Variants in CTNNA2 observed in about 807,000 individuals in gnomAD.
CTNNA2 encodes the protein catenin alpha 2.
In CTNNA2, 42 loss-of-function variants were observed where a neutral mutation model predicts 101.0. The observed-to-expected ratio is 0.42, with a 90% CI of 0.32 to 0.54. CTNNA2 has a LOEUF of 0.54. Among genes scored for constraint, CTNNA2 ranks in the 20% least tolerant of loss-of-function variants. CTNNA2 has a pLI of 0.14. For missense variants in CTNNA2, 871 were observed against 1,223.1 expected (o/e 0.71, Z 4.29); for synonymous variants, 450 against 456.4 (o/e 0.99, Z 0.18).
intron 3 of CTNNA2, among the ~76,000 whole-genome samples, chr2:79,369,526 C>G (rs1005904759): frequency 6.6e-6 from 1 of 152,178 alleles, no homozygotes; most frequent in African/African-American, 2.4e-5. Flanking sequence ...GACTGCTCTT[C>G]CAGTGTGGCT....
chr2:79,698,020 A>G lies in CTNNA2; in HGVS notation c.102+46362A>G, dbSNP rs536839991. On this transcript the variant is annotated intron_variant, in intron 2 of 18. Transcript: ENST00000402739. Reference sequence around the variant, plus strand: ...TTGTTATGTTATAGCAATTCTAAACAGTATTCGTGATAAAATATTCCTGTC... The same window carrying G: ...TTGTTATGTTATAGCAATTCTAAACGGTATTCGTGATAAAATATTCCTGTC... The G allele has an allele frequency of 2.2e-4, 33 of 152,194 alleles. No homozygotes were observed. The East Asian group carries it at 4.6e-3, about 21-fold the overall frequency. 9.4% of individuals were successfully genotyped at this position (152,194 alleles called of 1,614,324 possible).
intron 4 of CTNNA2, among the ~76,000 whole-genome samples, chr2:79,490,987 G>T (rs1671202718): frequency 6.6e-6 from 1 of 152,148 alleles, no homozygotes; most frequent in Non-Finnish European, 1.5e-5. Context: ...TACAGTTTCT[G>T]TGAAACTGTA....
intron 7 of CTNNA2, among the ~76,000 whole-genome samples, chr2:80,217,665 C>G (rs1708348780): frequency 6.6e-6 from 1 of 152,196 alleles, no homozygotes; most frequent in Non-Finnish European, 1.5e-5. Flanking sequence ...ACTCTTTCCA[C>G]TAAACTGTGA....
intron 8 of CTNNA2, among the ~76,000 whole-genome samples, chr2:80,412,058 A>G (rs1015479584): frequency 6.6e-6 from 1 of 152,112 alleles, no homozygotes; most frequent in African/African-American, 2.4e-5. Flanking sequence ...ATTTTCTGCT[A>G]ACATTTTTAA....
chr2:79,728,790 A>C (rs939660812), intron 2 of CTNNA2, among the ~76,000 whole-genome samples: 1 of 152,200 alleles, frequency 6.6e-6, no homozygotes, highest in Non-Finnish European at 1.5e-5. Context: ...AGCTTTCTCC[A>C]TATGGCTAGC....
chr2:80,081,491 TCTCCCTCCCTCCCTCC>T (rs200076866), intron 7 of CTNNA2, among the ~76,000 whole-genome samples: 13 of 151,026 alleles, frequency 8.6e-5, no homozygotes, highest in African/African-American at 3.2e-4. Context: ...TCTGTCTCTC[TCTCCCTCCCTCCCTCC>T]CTCCCTCCCT....
At chr2:80,237,870 C>T (rs1198892492) in intron 7 of CTNNA2, among the ~76,000 whole-genome samples, 1 of 152,074 alleles carries the variant, frequency 6.6e-6, no homozygotes, top group Non-Finnish European at 1.5e-5. Context: ...TCAACCTGCC[C>T]TTCATTGAAG....
In CTNNA2 at chr2:79,880,629, T is replaced by G. The variant is rs527821530; in HGVS notation, c.852+6287T>G. ...TAGAGGTGTTTATAGTATTTTCTGA[T>G]GGTAGTTTGTATTTCTGTGGGGTCA... On this transcript the variant is annotated intron_variant, in intron 6 of 18. Transcript: ENST00000402739. Among the ~76,000 whole-genome samples, 3 of 152,324 alleles carry G rather than the reference T, an allele frequency of 2.0e-5. No individual in the cohort carries two copies. The South Asian group carries it at 6.2e-4, about 32-fold the overall frequency.
chr2:79,216,001 C>G (rs1037397910), intron 2 of CTNNA2, among the ~76,000 whole-genome samples: 2 of 151,766 alleles, frequency 1.3e-5, no homozygotes, highest in African/African-American at 4.8e-5. Flanking sequence ...AGATTTGGGA[C>G]GAGTTGCATT....
intron 7 of CTNNA2, among the ~76,000 whole-genome samples, chr2:80,087,875 T>TC (rs1491234850): frequency 2.6e-4 from 40 of 151,500 alleles, no homozygotes; most frequent in Admixed American, 6.6e-4. Flanking sequence ...TCTCTCTCTC[T>TC]TTTTCTCTCC....
chr2:79,613,176 A>AC (rs1040355787), intron 1 of CTNNA2, among the ~76,000 whole-genome samples: 1 of 151,530 alleles, frequency 6.6e-6, no homozygotes, highest in African/African-American at 2.4e-5. Context: ...AAAAAAAAAA[A>AC]ACGATGTTTG....
rs1361721165 is a variant in CTNNA2, at chr2:79,461,209, A to G, written c.-134-43845A>G. ...ATGGCTTTGAAATATCTTCTAAATT[A>G]TCTTCAGAGTTACTTTGTGAAACTT... On this transcript the variant is annotated intron_variant, in intron 4 of 21. Transcript: ENST00000466387. Among the ~76,000 whole-genome samples the G allele has an allele frequency of 3.3e-5, 5 of 152,224 alleles. No homozygotes were observed. In the South Asian group the frequency reaches 8.3e-4, roughly 25 times the overall value.
At chr2:79,215,765 G>T (rs149306102) in intron 2 of CTNNA2, among the ~76,000 whole-genome samples, 9,352 of 152,204 alleles carry the variant, frequency 0.061, 372 homozygotes, top group East Asian at 0.16. Flanking sequence ...CTGGGCAGGT[G>T]GGGGAGGGCT....
intron 2 of CTNNA2, among the ~76,000 whole-genome samples, chr2:79,665,006 C>T (rs1976627): frequency 0.21 from 31,536 of 152,026 alleles, 3,597 homozygotes; most frequent in Admixed American, 0.26. Flanking sequence ...CCACCGTTCC[C>T]GGCCCACATT....
intron 2 of CTNNA2, among the ~76,000 whole-genome samples, chr2:79,302,581 G>A (rs542904345): frequency 5.9e-5 from 9 of 152,174 alleles, no homozygotes; most frequent in Non-Finnish European, 8.8e-5. Context: ...ATCTTGAGAG[G>A]GTTGTCTAGA....
chr2:80,561,743 C>A (rs764092261), intron 12 of CTNNA2, among the ~76,000 whole-genome samples: 1 of 152,122 alleles, frequency 6.6e-6, no homozygotes, highest in Admixed American at 6.5e-5. Flanking sequence ...TCACTGCAAC[C>A]TCTGCCTCCT....
At chr2:79,975,093 A>T (rs893430388) in intron 7 of CTNNA2, among the ~76,000 whole-genome samples, 1 of 152,146 alleles carries the variant, frequency 6.6e-6, no homozygotes, top group African/African-American at 2.4e-5. Flanking sequence ...AATATCCTTC[A>T]TGAGGTACGG....
chr2:80,146,936 T>TTTATTTA (rs1703385793), intron 7 of CTNNA2, among the ~76,000 whole-genome samples: 2 of 21,118 alleles, frequency 9.5e-5, no homozygotes, highest in Non-Finnish European at 2.7e-4. Flanking sequence ...TATTTTGTAT[T>TTTATTTA]TTATTTATTT....
chr2:80,209,003 A>G (rs1707715769), intron 7 of CTNNA2, among the ~76,000 whole-genome samples: 1 of 152,202 alleles, frequency 6.6e-6, no homozygotes, highest in African/African-American at 2.4e-5. Flanking sequence ...TAAAGAAAAG[A>G]ACACACATAA....
Sources: gnomAD v4.1 joint callset for allele counts (sites outside exome capture counted in the v4.1 genomes callset) on GRCh38, gnomAD v4.1.1 for gene constraint, MANE v1.5 for transcripts, NCBI Gene and HGNC (gene_info 2026-07-23, HGNC 2026-07-21) for gene names.